GRIP1: variants seen among roughly 807,000 people sequenced by gnomAD.
GRIP1 encodes the protein glutamate receptor interacting protein 1, also known as glutamate receptor-interacting protein 1.
In GRIP1, 45 loss-of-function variants were observed where a neutral mutation model predicts 129.9. The ratio of observed to expected loss-of-function variants is 0.35; its 90% CI spans 0.27 to 0.44. The LOEUF (loss-of-function observed/expected upper bound fraction) is 0.44. Ranked by LOEUF, GRIP1 falls within the 20% of genes least tolerant of loss-of-function variation. The pLI, the probability that GRIP1 is intolerant of heterozygous loss-of-function variation, is 1.00. For missense variants in GRIP1, 1,196 were observed against 1,396.8 expected (o/e 0.86, Z 2.29); for synonymous variants, 530 against 520.8 (o/e 1.02, Z -0.24).
chr12:66,458,835 G>T (rs2138273578), intron 9 of GRIP1, among the ~76,000 whole-genome samples: 1 of 152,230 alleles, frequency 6.6e-6, no homozygotes, highest in South Asian at 2.1e-4. Context: ...CTGCCTCAAG[G>T]CCTTTGCACT....
intron 8 of GRIP1, among the ~76,000 whole-genome samples, chr12:66,463,893 A>G (rs546719304): frequency 3.3e-5 from 5 of 152,320 alleles, no homozygotes; most frequent in Admixed American, 1.3e-4. Context: ...GGGAAAAAAC[A>G]GAGGGAGAAA....
chr12:66,695,533 T>C (rs2035126978), intron 1 of GRIP1, among the ~76,000 whole-genome samples: 1 of 152,134 alleles, frequency 6.6e-6, no homozygotes, highest in Admixed American at 6.5e-5. Context: ...TGGGCATAAA[T>C]CTGAAAGCCC....
intron 1 of GRIP1, among the ~76,000 whole-genome samples, chr12:66,982,763 T>C (rs1033879663): frequency 1.3e-5 from 2 of 152,158 alleles, no homozygotes; most frequent in African/African-American, 4.8e-5. Context: ...GTGAGAGACC[T>C]TGAGACACAG....
At chr12:66,756,898 G>A (rs187364634) in intron 1 of GRIP1, among the ~76,000 whole-genome samples, 311 of 152,206 alleles carry the variant, frequency 2.0e-3, no homozygotes, top group African/African-American at 6.7e-3. Flanking sequence ...CTAGATAACC[G>A]CCACTATCTC....
At chr12:66,446,632 T>C (rs1436098966) in intron 11 of GRIP1, among the ~76,000 whole-genome samples, 1 of 152,142 alleles carries the variant, frequency 6.6e-6, no homozygotes, top group Admixed American at 6.5e-5. Context: ...TTCAAAATTC[T>C]CCCCCTTTTC....
chr12:66,921,814 T>C (rs1232057290), intron 1 of GRIP1, among the ~76,000 whole-genome samples: 1 of 152,210 alleles, frequency 6.6e-6, no homozygotes, highest in Non-Finnish European at 1.5e-5. Flanking sequence ...TATTTTTCCC[T>C]CCACTCTGAA....
At chr12:67,041,251 C>A (rs2043174613) in intron 1 of GRIP1, among the ~76,000 whole-genome samples, 1 of 151,592 alleles carries the variant, frequency 6.6e-6, no homozygotes, top group Admixed American at 6.6e-5. Context: ...CACATATATG[C>A]ATATATACAT....
At chr12:66,967,347 T>C (rs2042013139) in intron 1 of GRIP1, among the ~76,000 whole-genome samples, 1 of 152,182 alleles carries the variant, frequency 6.6e-6, no homozygotes, top group Non-Finnish European at 1.5e-5. Flanking sequence ...CATGTTATTG[T>C]TAACTCTAGT....
intron 1 of GRIP1, among the ~76,000 whole-genome samples, chr12:67,016,305 T>C (rs139594157): frequency 3.9e-5 from 6 of 152,208 alleles, no homozygotes; most frequent in South Asian, 2.1e-4. Context: ...CGACAACAGA[T>C]AGACAGACAA....
At position 66,347,766 on chromosome 12, in the gene GRIP1, T is replaced by TA. The variant is rs1452457547; in HGVS notation, c.*1252_*1253insT. 2.6e-5 allele frequency: 4 copies of TA among 152,154 alleles called. No individual in the cohort carries two copies. The highest frequency in any genetic ancestry group is 4.4e-5 in the Non-Finnish European group (3 of 68,028). The allele number at this position is 152,154 out of a possible 1,614,324, so 9.4% of individuals were successfully genotyped here. A position where few individuals can be genotyped will look rare whatever the true frequency, so the allele number is the denominator to read the frequency against. On this transcript the variant is annotated 3_prime_UTR_variant, in exon 25 of 25. Transcript: ENST00000359742. ...CACAAAAAGAAAGGTGATTTTTTTTTTATATTTCCTTAAACAAAGGACACA... is the reference window on the plus strand; with the variant it reads ...CACAAAAAGAAAGGTGATTTTTTTTTATATATTTCCTTAAACAAAGGACACA...
intron 19 of GRIP1, among the ~76,000 whole-genome samples, chr12:66,387,821 G>A (rs190391333): frequency 1.4e-3 from 215 of 152,308 alleles, no homozygotes; most frequent in African/African-American, 5.0e-3. Flanking sequence ...ATGAGTAGAG[G>A]AGGATACCAT....
At chr12:66,462,899 G>T in intron 9 of GRIP1, 25 bp downstream of exon 9, 1 of 1,598,986 alleles carries the variant, frequency 6.3e-7, no homozygotes, top group Non-Finnish European at 8.6e-7. Flanking sequence ...CAGAGAAAGA[G>T]CTTGATCCAG....
chr12:66,920,100 G>A (rs977754586), intron 1 of GRIP1, among the ~76,000 whole-genome samples: 1 of 152,184 alleles, frequency 6.6e-6, no homozygotes, highest in African/African-American at 2.4e-5. Flanking sequence ...TTGGCAATAA[G>A]TCAATTTGAA....
At chr12:66,398,327 G>A (rs1414603951) in intron 16 of GRIP1, among the ~76,000 whole-genome samples, 1 of 151,862 alleles carries the variant, frequency 6.6e-6, no homozygotes, top group Admixed American at 6.6e-5. Context: ...CCCTGTGCAA[G>A]AGCTGAGCTG....
At chr12:66,595,981 CTT>C (rs1198930069) in intron 2 of GRIP1, among the ~76,000 whole-genome samples, 1 of 152,186 alleles carries the variant, frequency 6.6e-6, no homozygotes, top group Non-Finnish European at 1.5e-5. Flanking sequence ...GGAAACACCA[CTT>C]TGTTTCTCCT....
At chr12:66,795,902 A>G (rs913373335) in intron 1 of GRIP1, among the ~76,000 whole-genome samples, 4 of 152,184 alleles carry the variant, frequency 2.6e-5, no homozygotes, top group Admixed American at 1.3e-4. Context: ...TCTACAGAAA[A>G]CAAACAACGA....
intron 1 of GRIP1, among the ~76,000 whole-genome samples, chr12:66,775,696 T>C (rs1039738711): frequency 4.0e-5 from 6 of 151,764 alleles, no homozygotes; most frequent in South Asian, 2.1e-4. Context: ...ATAATAATTA[T>C]TTATAAAGTT....
chr12:66,745,621 A>C (rs1214063444), intron 1 of GRIP1, among the ~76,000 whole-genome samples: 1 of 152,204 alleles, frequency 6.6e-6, no homozygotes, highest in Admixed American at 6.5e-5. Context: ...GAGAGAAATG[A>C]CCAATTTCAC....
At chr12:66,376,967 G>T in intron 22 of GRIP1, 50 bp downstream of exon 22, 1 of 1,264,200 alleles carries the variant, frequency 7.9e-7, no homozygotes, top group Non-Finnish European at 1.2e-6. Flanking sequence ...AGGCAAGGGG[G>T]TAGGGAAGGC....
Sources: gnomAD v4.1 joint callset for allele counts (sites outside exome capture counted in the v4.1 genomes callset) on GRCh38, gnomAD v4.1.1 for gene constraint, MANE v1.5 for transcripts, NCBI Gene and HGNC (gene_info 2026-07-23, HGNC 2026-07-21) for gene names.